Variants in VTCN1 observed in about 807,000 individuals in gnomAD.
The protein encoded by VTCN1 is V-set domain containing T cell activation inhibitor 1.
VTCN1 carries 26 observed loss-of-function variants against 26.5 expected under a neutral mutation model. That is an observed-to-expected ratio of 0.98 (90% CI 0.72 to 1.36). The LOEUF (loss-of-function observed/expected upper bound fraction) is 1.36, where lower values mean the gene tolerates loss of function less well. VTCN1 is among the 40% of genes most tolerant of loss of function. The pLI is 0.00. For synonymous variants in VTCN1, 116 were observed against 130.7 expected (o/e 0.89, Z 0.77); for missense variants, 298 against 337.7 (o/e 0.88, Z 0.92).
At position 117,161,023 on chromosome 1, in the gene VTCN1, G is replaced by T. The variant is rs1469142424; in HGVS notation, c.98-4102C>A. On this transcript the variant is annotated intron_variant, in intron 2 of 5. Coordinates refer to ENST00000369458, the MANE Select transcript of VTCN1 (RefSeq NM_024626.4). The surrounding 1 kb of genome is among the most constrained non-coding windows in gnomAD (Gnocchi z 4.3). ...GGAAGGATGTTTTGGAGGCTTGAGA[G>T]CGTGAGAAAAGACACTTTGGAAGCA... Among the ~76,000 whole-genome samples the T allele has an allele frequency of 6.6e-6, 1 of 152,212 alleles. No individual in the cohort carries two copies. Among genetic ancestry groups the T allele is most frequent in the Admixed American group, 6.5e-5 (1 of 15,280 alleles).
chr1:117,210,806 G>T lies in VTCN1; in HGVS notation c.32+18C>A, dbSNP rs200354605. ...TGTTCCCTTCACCCATAAGGATAGA[G>T]AGAAGAGTATATACTACCTCCAGAA... On this transcript the variant is annotated intron_variant, in intron 1 of 5. Coordinates refer to ENST00000369458, the MANE Select transcript of VTCN1 (RefSeq NM_024626.4). The T allele has an allele frequency of 3.2e-5, 51 of 1,613,890 alleles. No homozygotes were observed. In the Admixed American group the frequency reaches 5.8e-4, roughly 18 times the overall value.
chr1:117,159,302 C>A lies in VTCN1; in HGVS notation c.98-2381G>T, dbSNP rs1393316385. 1.3e-5 allele frequency among the ~76,000 whole-genome samples: 2 copies of A among 152,060 alleles called. No individual in the cohort carries two copies. The highest frequency in any genetic ancestry group is 4.8e-5 in the African/African-American group (2 of 41,386). On this transcript the variant is annotated intron_variant, in intron 2 of 5. Coordinates refer to ENST00000369458, the MANE Select transcript of VTCN1 (RefSeq NM_024626.4). The surrounding 1 kb of genome is among the most constrained non-coding windows in gnomAD (Gnocchi z 4.7). ...TAACAGTTTCACATGGCTGGGGAGG[C>A]CTCAGAGTCATGGCGGGAGGTGAAA...
rs1385331276 is a variant in VTCN1 at position 117,175,502 on chromosome 1, T to C, written c.33-5331A>G. Among the ~76,000 whole-genome samples, 1 of 152,164 alleles carries C rather than the reference T, an allele frequency of 6.6e-6. No homozygotes were observed. Among genetic ancestry groups the C allele is most frequent in the Non-Finnish European group, 1.5e-5 (1 of 68,038 alleles). On this transcript the variant is annotated intron_variant, in intron 1 of 5. Transcript: ENST00000369458. This position sits in a 1 kb window ranked among gnomAD's most constrained non-coding sequence, Gnocchi z 4.2. Reference sequence around the variant, plus strand: ...AGATGTTCATTCAAAAAAATTCTTTTTCATAAAATAAAAATAGAACTGAAA... The same window carrying C: ...AGATGTTCATTCAAAAAAATTCTTTCTCATAAAATAAAAATAGAACTGAAA...
At chr1:117,187,654 G>A (rs972645701) in intron 1 of VTCN1, among the ~76,000 whole-genome samples, 6 of 152,084 alleles carry the variant, frequency 3.9e-5, no homozygotes, top group Non-Finnish European at 7.4e-5. Flanking sequence ...ACACATTTGT[G>A]TCTCCTTTAG....
At chr1:117,148,457 A>C (rs1368542200) in intron 4 of VTCN1, among the ~76,000 whole-genome samples, 1 of 152,184 alleles carries the variant, frequency 6.6e-6, no homozygotes, top group African/African-American at 2.4e-5. Flanking sequence ...TCTGGCCTAT[A>C]ATAAGCACTC....
Position 117,175,815 on chromosome 1 carries a change from G to C in VTCN1, c.33-5644C>G, listed in dbSNP as rs949364449. Among the ~76,000 whole-genome samples, 2 of 147,956 alleles carry C rather than the reference G, an allele frequency of 1.4e-5. No individual in the cohort carries two copies. Among genetic ancestry groups the C allele is most frequent in the Non-Finnish European group, 3.0e-5 (2 of 67,664 alleles). On this transcript the variant is annotated intron_variant, in intron 1 of 5. Coordinates refer to ENST00000369458, the MANE Select transcript of VTCN1 (RefSeq NM_024626.4). This position sits in a 1 kb window ranked among gnomAD's most constrained non-coding sequence, Gnocchi z 4.2. ...AGATGGAGTTTCACTCTGTTGCCCA[G>C]GCTGGAGTGCACTGGCATGATCTCA...
At chr1:117,170,057 G>C in intron 2 of VTCN1, 50 bp downstream of exon 2, 1 of 1,551,584 alleles carries the variant, frequency 6.4e-7, no homozygotes. Flanking sequence ...GTGATTAGGA[G>C]TTTAATGGTG....
rs12041101 is a variant in VTCN1 at position 117,203,660 on chromosome 1, C to T, written c.32+7164G>A. 3.3e-4 allele frequency: 321 copies of T among 985,322 alleles called. 8 individuals are homozygous for T. In the East Asian group the frequency reaches 0.03, roughly 93 times the overall value. 61.0% of individuals were successfully genotyped at this position (985,322 alleles called of 1,614,324 possible). A position where few individuals can be genotyped will look rare whatever the true frequency, so the allele number is the denominator to read the frequency against. On this transcript the variant is annotated intron_variant, in intron 1 of 5. Transcript: ENST00000369458. ...CTTTTCCTTTGTTTTCATCAAGACC[C>T]ATCTGTGGCTCTTTAGCACATTTCT...
chr1:117,172,909 G>T (rs2101529417), intron 1 of VTCN1, among the ~76,000 whole-genome samples: 1 of 152,296 alleles, frequency 6.6e-6, no homozygotes, highest in South Asian at 2.1e-4. Context: ...ATGTGGGTGA[G>T]GCCAAATAAG....
At chr1:117,172,953 C>T (rs1653001191) in intron 1 of VTCN1, among the ~76,000 whole-genome samples, 1 of 152,202 alleles carries the variant, frequency 6.6e-6, no homozygotes, top group Admixed American at 6.5e-5. Context: ...ACAGCAGCGG[C>T]AAACTCCTCC....
At position 117,147,064 on chromosome 1, in the gene VTCN1, G is replaced by A. The variant is rs936611982; in HGVS notation, c.*45+549C>T. ...TGCCACTGAGTAATATGGGAGTATC[G>A]ACTGGAACTTCATGATCTCAGCTTT... On this transcript the variant is annotated intron_variant, in intron 5 of 5. Transcript: ENST00000369458. This position sits in a 1 kb window ranked among gnomAD's most constrained non-coding sequence, Gnocchi z 4.6. Among the ~76,000 whole-genome samples, 4 of 152,114 alleles carry A rather than the reference G, an allele frequency of 2.6e-5. No individual in the cohort carries two copies. The highest frequency in any genetic ancestry group is 2.1e-4 in the South Asian group (1 of 4,814).
chr1:117,206,135 C>T (rs1032139660), intron 1 of VTCN1, among the ~76,000 whole-genome samples: 1 of 121,154 alleles, frequency 8.3e-6, no homozygotes, highest in African/African-American at 3.1e-5. Flanking sequence ...GTGTGGTGGA[C>T]TTTATTATTA....
intron 1 of VTCN1, among the ~76,000 whole-genome samples, chr1:117,205,352 A>G (rs1223456166): frequency 2.0e-5 from 3 of 151,928 alleles, no homozygotes; most frequent in African/African-American, 7.3e-5. Context: ...ATGGGGTTTC[A>G]CCATGTTACC....
At chr1:117,208,048 G>A (rs1649182073) in intron 1 of VTCN1, among the ~76,000 whole-genome samples, 1 of 152,162 alleles carries the variant, frequency 6.6e-6, no homozygotes, top group Admixed American at 6.5e-5. Context: ...TAGGCTCAGG[G>A]AAGCTGAAAG....
At chr1:117,204,815 G>A (rs1366707629) in intron 1 of VTCN1, among the ~76,000 whole-genome samples, 3 of 149,738 alleles carry the variant, frequency 2.0e-5, no homozygotes, top group Admixed American at 6.7e-5. Flanking sequence ...GCAGTGAGCC[G>A]AGATCACACC....
intron 1 of VTCN1, among the ~76,000 whole-genome samples, chr1:117,198,149 A>C (rs1233619578): frequency 6.6e-6 from 1 of 152,148 alleles, no homozygotes; most frequent in Non-Finnish European, 1.5e-5. Context: ...GCCCCACCCT[A>C]CCTTTCAACT....
intron 1 of VTCN1, among the ~76,000 whole-genome samples, chr1:117,195,285 A>C (rs1356832363): frequency 1.3e-5 from 2 of 149,262 alleles, no homozygotes; most frequent in Non-Finnish European, 3.0e-5. Flanking sequence ...AATAATAATA[A>C]TAATAATAAT....
chr1:117,151,200 C>CT (rs796226289), intron 4 of VTCN1, among the ~76,000 whole-genome samples: 27,759 of 135,754 alleles, frequency 0.2, 5,263 homozygotes, highest in African/African-American at 0.51. Flanking sequence ...TGTTACAGTT[C>CT]TTTTTTTTTT....
intron 2 of VTCN1, among the ~76,000 whole-genome samples, chr1:117,165,455 A>C (rs1652561180): frequency 6.6e-6 from 1 of 152,148 alleles, no homozygotes; most frequent in South Asian, 2.1e-4. Context: ...TGTGTGGGTC[A>C]TTGGGGCAGA....
Sources: allele counts gnomAD v4.1 joint callset (sites outside exome capture counted in the v4.1 genomes callset), GRCh38; gene constraint gnomAD v4.1.1; non-coding constraint Gnocchi (gnomAD v3.1); transcripts MANE v1.5; gene names NCBI Gene and HGNC (gene_info 2026-07-23, HGNC 2026-07-21).